Variants in JAKMIP2 observed in about 807,000 individuals in gnomAD.
The protein encoded by JAKMIP2 is janus kinase and microtubule interacting protein 2, also known as janus kinase and microtubule-interacting protein 2.
Under a neutral mutation model 115.0 loss-of-function variants are expected in JAKMIP2, and 25 were observed. The ratio of observed to expected loss-of-function variants is 0.22; its 90% CI spans 0.16 to 0.30. JAKMIP2 has a LOEUF of 0.30. Among genes scored for constraint, JAKMIP2 ranks in the 10% least tolerant of loss-of-function variants. JAKMIP2 has a pLI of 1.00. For missense variants in JAKMIP2, 642 were observed against 957.6 expected, an observed-to-expected ratio of 0.67 and a Z score of 4.35; for synonymous variants, 334 against 343.6, an observed-to-expected ratio of 0.97 and a Z score of 0.31.
intron 18 of JAKMIP2, among the ~76,000 whole-genome samples, chr5:147,619,577 TC>T (rs1239149761): frequency 6.6e-6 from 1 of 152,214 alleles, no homozygotes; most frequent in East Asian, 1.9e-4. Flanking sequence ...TTGCTCTTTT[TC>T]TTTTGATTCA....
intron 1 of JAKMIP2, among the ~76,000 whole-genome samples, chr5:147,684,981 C>G (rs1045151219): frequency 6.6e-6 from 1 of 152,192 alleles, no homozygotes; most frequent in Non-Finnish European, 1.5e-5. Flanking sequence ...TTAGAGAGCA[C>G]TTAGTGTGTG....
At chr5:147,779,266 C>G (rs1755672745) in intron 1 of JAKMIP2, among the ~76,000 whole-genome samples, 1 of 151,986 alleles carries the variant, frequency 6.6e-6, no homozygotes, top group Non-Finnish European at 1.5e-5. Context: ...TTAATTAAAA[C>G]AAGTTTTACT....
chr5:147,701,538 T>C (rs148748283), intron 1 of JAKMIP2, among the ~76,000 whole-genome samples: 1 of 152,194 alleles, frequency 6.6e-6, no homozygotes, highest in Admixed American at 6.5e-5. Flanking sequence ...CAATCTTTGA[T>C]CATTGGGAGC....
intron 21 of JAKMIP2, among the ~76,000 whole-genome samples, chr5:147,597,560 C>A (rs896041823): frequency 6.6e-6 from 1 of 152,182 alleles, no homozygotes; most frequent in African/African-American, 2.4e-5. Context: ...GTCCTCCCAA[C>A]TTCATAATGA....
intron 3 of JAKMIP2, among the ~76,000 whole-genome samples, chr5:147,657,799 A>G: frequency 6.6e-6 from 1 of 151,648 alleles, no homozygotes; most frequent in Non-Finnish European, 1.5e-5. Context: ...CGATTTGGCT[A>G]TCGATACTTG....
intron 20 of JAKMIP2, among the ~76,000 whole-genome samples, chr5:147,607,991 T>C (rs140604620): frequency 0.11 from 17,325 of 152,200 alleles, 1,334 homozygotes; most frequent in South Asian, 0.27. Flanking sequence ...CTGATCGTAG[T>C]TTGTATTTCT....
At position 147,773,287 on chromosome 5, in the gene JAKMIP2, C is replaced by T. The variant is rs115318065; in HGVS notation, c.-149+9169G>A. Among the ~76,000 whole-genome samples, 723 of 152,200 alleles carry T rather than the reference C, an allele frequency of 4.8e-3. 6 individuals are homozygous for T. Among genetic ancestry groups the T allele is most frequent in the African/African-American group, 0.016 (646 of 41,542 alleles). ...TCGGCTACTCTCTGTCATAAGGATC[C>T]TTTCGTTGGTCAAACAGCACTTAAG... On this transcript the variant is annotated intron_variant, in intron 1 of 21. Transcript: ENST00000616793.
intron 20 of JAKMIP2, among the ~76,000 whole-genome samples, chr5:147,609,756 T>G (rs552389984): frequency 3.9e-5 from 6 of 152,334 alleles, no homozygotes; most frequent in African/African-American, 1.4e-4. Context: ...TCCCGGATAA[T>G]TTCCTGAAGT....
chr5:147,705,632 G>A (rs899367978), intron 1 of JAKMIP2, among the ~76,000 whole-genome samples: 2 of 152,004 alleles, frequency 1.3e-5, no homozygotes, highest in East Asian at 3.9e-4. Flanking sequence ...TACCTTGGGC[G>A]TCACCTTTCC....
intron 1 of JAKMIP2, among the ~76,000 whole-genome samples, chr5:147,754,909 T>C (rs1202130528): frequency 6.6e-6 from 1 of 152,160 alleles, no homozygotes; most frequent in Non-Finnish European, 1.5e-5. Flanking sequence ...GACTACAGAT[T>C]AGGCCACTAT....
At chr5:147,752,231 C>G (rs1754584806) in intron 1 of JAKMIP2, among the ~76,000 whole-genome samples, 1 of 152,078 alleles carries the variant, frequency 6.6e-6, no homozygotes, top group Admixed American at 6.5e-5. Context: ...GGAATTACCT[C>G]GTTTTGTTTA....
intron 1 of JAKMIP2, among the ~76,000 whole-genome samples, chr5:147,693,430 C>A (rs1489182845): frequency 5.3e-5 from 8 of 152,166 alleles, no homozygotes; most frequent in Admixed American, 5.2e-4. Context: ...GGTGAGTAGT[C>A]ATTCAGCTTT....
chr5:147,681,451 T>A (rs967020494), intron 1 of JAKMIP2, among the ~76,000 whole-genome samples: 17 of 152,240 alleles, frequency 1.1e-4, no homozygotes, highest in African/African-American at 3.9e-4. Flanking sequence ...CCACTTTTCT[T>A]CATACCTCTT....
At chr5:147,641,025 GA>G (rs1300164059) in intron 8 of JAKMIP2, among the ~76,000 whole-genome samples, 2 of 152,114 alleles carry the variant, frequency 1.3e-5, no homozygotes, top group Admixed American at 6.5e-5. Context: ...GACATCTTAA[GA>G]AAAATTCATA....
chr5:147,638,456 C>G (rs1757724643), intron 10 of JAKMIP2, among the ~76,000 whole-genome samples: 1 of 152,170 alleles, frequency 6.6e-6, no homozygotes, highest in African/African-American at 2.4e-5. Flanking sequence ...TATTATAGCA[C>G]TGGGGCATAT....
In JAKMIP2 at chr5:147,695,374, C is replaced by T. The variant is rs138708407; in HGVS notation, c.-148-23420G>A. 3.9e-5 allele frequency among the ~76,000 whole-genome samples: 6 copies of T among 152,204 alleles called. No individual in the cohort carries two copies. In the East Asian group the frequency reaches 9.7e-4, roughly 25 times the overall value. On this transcript the variant is annotated intron_variant, in intron 1 of 21. Coordinates refer to ENST00000616793, the MANE Select transcript of JAKMIP2 (RefSeq NM_001270941.2). ...GATCCAGACTTCCTTTTCATAGACT[C>T]CAGATAGATGAGGTTTATGATGGAC...
At chr5:147,694,991 T>G (rs1393089174) in intron 1 of JAKMIP2, among the ~76,000 whole-genome samples, 1 of 152,162 alleles carries the variant, frequency 6.6e-6, no homozygotes, top group South Asian at 2.1e-4. Flanking sequence ...TAAAAGCACA[T>G]GCAAGCGAGC....
At chr5:147,607,332 T>C (rs1182265451) in intron 20 of JAKMIP2, among the ~76,000 whole-genome samples, 1 of 152,204 alleles carries the variant, frequency 6.6e-6, no homozygotes, top group Admixed American at 6.5e-5. Context: ...GCTCTTATTA[T>C]TTTGAGATAT....
At chr5:147,754,993 T>C (rs1017600225) in intron 1 of JAKMIP2, among the ~76,000 whole-genome samples, 3 of 152,134 alleles carry the variant, frequency 2.0e-5, no homozygotes, top group African/African-American at 7.2e-5. Context: ...AATATTTCAG[T>C]GTAAGGCTTG....
Sources: gnomAD v4.1 joint callset for allele counts (sites outside exome capture counted in the v4.1 genomes callset) on GRCh38, gnomAD v4.1.1 for gene constraint, MANE v1.5 for transcripts, NCBI Gene and HGNC (gene_info 2026-07-23, HGNC 2026-07-21) for gene names.